Variants in TMED8 observed in about 807,000 individuals in gnomAD.
TMED8 encodes the protein transmembrane p24 trafficking protein family member 8, also known as protein TMED8.
A neutral mutation model predicts 32.7 loss-of-function variants in TMED8; 15 were observed. The observed-to-expected ratio is 0.46, with a 90% CI of 0.31 to 0.71. The LOEUF is 0.71. Ranked by LOEUF, TMED8 falls within the 30% of genes least tolerant of loss-of-function variation. TMED8 has a pLI of 0.06. For missense variants in TMED8, 390 were observed against 423.9 expected, an observed-to-expected ratio of 0.92 and a Z score of 0.70; for synonymous variants, 147 against 161.4, an observed-to-expected ratio of 0.91 and a Z score of 0.68.
rs1281953311 is a variant in TMED8, at chr14:77,354,971, CAA to C, written c.119-3222_119-3221del. Among the ~76,000 whole-genome samples the C allele has an allele frequency of 5.3e-5, 8 of 151,160 alleles. No homozygotes were observed. In the South Asian group the frequency reaches 1.3e-3, roughly 24 times the overall value. On this transcript the variant is annotated intron_variant, in intron 1 of 5. Transcript: ENST00000216468. ...CTCTGTCTCAAAAAAAAAAAAAAGA[CAA>C]GAGGTTTCTTTATGTTGCCCAAGCT...
chr14:77,338,615 C>T lies in TMED8; in HGVS notation c.*3156G>A, dbSNP rs1296059554. 1 of 152,230 alleles carries T rather than the reference C, an allele frequency of 6.6e-6. No homozygotes were observed. Among genetic ancestry groups the T allele is most frequent in the Non-Finnish European group, 1.5e-5 (1 of 68,062 alleles). The allele number at this position is 152,230 out of a possible 1,614,324, so 9.4% of individuals were successfully genotyped here. A position where few individuals can be genotyped will look rare whatever the true frequency, so the allele number is the denominator to read the frequency against. ...TACATGTATTGATTTATGGCTTTGCCTGGACCTTCTGTCTCCCTCAAATGT... is the reference window on the plus strand; with the variant it reads ...TACATGTATTGATTTATGGCTTTGCTTGGACCTTCTGTCTCCCTCAAATGT... On this transcript the variant is annotated 3_prime_UTR_variant, in exon 6 of 6. Transcript: ENST00000216468.
At chr14:77,348,377 C>T (rs1893099189) in intron 2 of TMED8, among the ~76,000 whole-genome samples, 2 of 152,086 alleles carry the variant, frequency 1.3e-5, no homozygotes, top group Non-Finnish European at 2.9e-5. Context: ...CGCCGGCCAC[C>T]ACACCCAGCT....
Position 77,343,451 on chromosome 14 carries a change from A to G in TMED8, c.487T>C (p.Trp163Arg). 1.2e-6 allele frequency: 2 copies of G among 1,613,694 alleles called. No individual in the cohort carries two copies. The highest frequency in any genetic ancestry group is 1.7e-6 in the Non-Finnish European group (2 of 1,179,794). The change falls in exon 5 of 6, where the codon TGG becomes CGG. Residue 163 changes from tryptophan (W) to arginine (R), a missense_variant. By Grantham distance (101) the Trp-to-Arg change is moderately radical (BLOSUM62 -3). Transcript: ENST00000216468. Reference protein sequence around the residue: ...SPPLMAPPCIWTFAKVKEFKS... With the variant: ...SPPLMAPPCIRTFAKVKEFKS... ...AATTCCTTCACCTTGGCAAAGGTCC[A>G]GATGCATGGAGGAGCCATCAGAGGT...
intron 1 of TMED8, among the ~76,000 whole-genome samples, chr14:77,371,442 G>A (rs1893677904): frequency 6.6e-6 from 1 of 151,998 alleles, no homozygotes; most frequent in African/African-American, 2.4e-5. Flanking sequence ...AATGTATACT[G>A]GAAAAAAATA....
At chr14:77,353,546 G>C (rs1052453744) in intron 1 of TMED8, among the ~76,000 whole-genome samples, 5 of 150,780 alleles carry the variant, frequency 3.3e-5, no homozygotes, top group Admixed American at 3.3e-4. Context: ...AACCTTCCAG[G>C]TTCAAGCGAT....
chr14:77,358,721 A>G (rs933819458), intron 1 of TMED8, among the ~76,000 whole-genome samples: 4 of 152,284 alleles, frequency 2.6e-5, no homozygotes, highest in South Asian at 2.1e-4. Flanking sequence ...CAATGTAAAT[A>G]TAATAGTTTT....
In TMED8 at chr14:77,336,655, CT is replaced by C. The variant is rs1486672969; in HGVS notation, c.*5115del. 2.0e-5 allele frequency: 3 copies of C among 151,664 alleles called. No individual in the cohort carries two copies. Among genetic ancestry groups the C allele is most frequent in the Admixed American group, 6.6e-5 (1 of 15,206 alleles). The allele number at this position is 151,664 out of a possible 1,614,324, so 9.4% of individuals were successfully genotyped here. A position where few individuals can be genotyped will look rare whatever the true frequency, so the allele number is the denominator to read the frequency against. ...CCCCCATACTCCTACCCTTTGCCCCCTAATTTTATTTTGTTTTCCCTCGTTG... is the reference window on the plus strand; with the variant it reads ...CCCCCATACTCCTACCCTTTGCCCCCAATTTTATTTTGTTTTCCCTCGTTG... On this transcript the variant is annotated 3_prime_UTR_variant, in exon 6 of 6. Coordinates refer to ENST00000216468, the MANE Select transcript of TMED8 (RefSeq NM_213601.3).
At chr14:77,361,563 A>G (rs1475668931) in intron 1 of TMED8, among the ~76,000 whole-genome samples, 1 of 152,200 alleles carries the variant, frequency 6.6e-6, no homozygotes, top group Non-Finnish European at 1.5e-5. Flanking sequence ...TTGTGGTTAC[A>G]TACAAATTTT....
At chr14:77,366,755 C>G (rs1402784036) in intron 1 of TMED8, among the ~76,000 whole-genome samples, 4 of 152,180 alleles carry the variant, frequency 2.6e-5, no homozygotes, top group African/African-American at 9.7e-5. Flanking sequence ...TGAATAGTCA[C>G]TGAATTGCAC....
chr14:77,351,570 T>C, intron 2 of TMED8, 103 bp downstream of exon 2: 5 of 1,113,242 alleles, frequency 4.5e-6, no homozygotes, highest in Non-Finnish European at 1.3e-6. Flanking sequence ...CCACATTCTT[T>C]ACTTTAACTT....
rs1279924373 is a variant in TMED8, at chr14:77,339,449, T to C, written c.*2322A>G. On this transcript the variant is annotated 3_prime_UTR_variant, in exon 6 of 6. Transcript: ENST00000216468. ...GGTGAAAATAAATAATAACAAGTGTTATCCTTGGGAGCTTGCTGTGTATGG... is the reference window on the plus strand; with the variant it reads ...GGTGAAAATAAATAATAACAAGTGTCATCCTTGGGAGCTTGCTGTGTATGG... 6.6e-6 allele frequency: 1 copy of C among 152,220 alleles called. No individual in the cohort carries two copies. The highest frequency in any genetic ancestry group is 1.5e-5 in the Non-Finnish European group (1 of 68,042). 9.4% of individuals were successfully genotyped at this position (152,220 alleles called of 1,614,324 possible).
rs143448849 is a variant in TMED8 at position 77,351,893 on chromosome 14, C to T, written c.119-142G>A. On this transcript the variant is annotated intron_variant, in intron 1 of 5. Coordinates refer to ENST00000216468, the MANE Select transcript of TMED8 (RefSeq NM_213601.3). ...TATGAACTTTATACTCTCAGAGGCC[C>T]AACACATAAATTATTCAAGTCATCA... 3,925 of 535,262 alleles carry T rather than the reference C, an allele frequency of 7.3e-3. 69 individuals are homozygous for T. The highest frequency in any genetic ancestry group is 4.1e-3 in the Non-Finnish European group (1,277 of 311,044). 33.2% of individuals were successfully genotyped at this position (535,262 alleles called of 1,614,324 possible). A position where few individuals can be genotyped will look rare whatever the true frequency, so the allele number is the denominator to read the frequency against.
chr14:77,340,970 G>A lies in TMED8; in HGVS notation c.*801C>T, dbSNP rs1892882928. 1 of 151,572 alleles carries A rather than the reference G, an allele frequency of 6.6e-6. No individual in the cohort carries two copies. Among genetic ancestry groups the A allele is most frequent in the Admixed American group, 6.6e-5 (1 of 15,228 alleles). The allele number at this position is 151,572 out of a possible 1,614,324, so 9.4% of individuals were successfully genotyped here. ...AAGTAACACGACTTTCAAATATGTG[G>A]GTTCTGACATCAATTCAGTACCTAA... On this transcript the variant is annotated 3_prime_UTR_variant, in exon 6 of 6. Coordinates refer to ENST00000216468, the MANE Select transcript of TMED8 (RefSeq NM_213601.3).
chr14:77,346,546 T>C, intron 2 of TMED8, 68 bp from the exon 3 acceptor site: 1 of 1,598,550 alleles, frequency 6.3e-7, no homozygotes, highest in East Asian at 2.2e-5. Flanking sequence ...TGGAGAAACT[T>C]TGAAATAAAA....
intron 1 of TMED8, among the ~76,000 whole-genome samples, chr14:77,367,074 G>C (rs1005264611): frequency 1.3e-5 from 2 of 151,336 alleles, no homozygotes; most frequent in African/African-American, 2.4e-5. Context: ...GTAAAACCCC[G>C]CCTCTACTAA....
chr14:77,357,600 T>C (rs191332146), intron 1 of TMED8, among the ~76,000 whole-genome samples: 18 of 152,354 alleles, frequency 1.2e-4, no homozygotes, highest in Admixed American at 3.3e-4. Context: ...CAATGATTTG[T>C]TCTTTGAAGT....
At chr14:77,343,519 G>A in intron 4 of TMED8, 36 bp from the exon 5 acceptor site, 4 of 1,604,642 alleles carry the variant, frequency 2.5e-6, no homozygotes, top group South Asian at 2.2e-5. Context: ...GAGAAACCAT[G>A]AGGAAACATG....
chr14:77,367,575 A>G (rs1435626367), intron 1 of TMED8, among the ~76,000 whole-genome samples: 1 of 152,236 alleles, frequency 6.6e-6, no homozygotes, highest in Non-Finnish European at 1.5e-5. Context: ...AGGAAAATGA[A>G]AAAGAATGTT....
intron 1 of TMED8, among the ~76,000 whole-genome samples, chr14:77,375,511 C>T (rs1462748858): frequency 6.6e-6 from 1 of 152,122 alleles, no homozygotes; most frequent in Non-Finnish European, 1.5e-5. Flanking sequence ...AGACATTATG[C>T]TTAGAATTTC....
Sources: gnomAD v4.1 joint callset for allele counts (sites outside exome capture counted in the v4.1 genomes callset) on GRCh38, gnomAD v4.1.1 for gene constraint, MANE v1.5 for transcripts, NCBI Gene and HGNC (gene_info 2026-07-23, HGNC 2026-07-21) for gene names.